STAT6: variants seen among roughly 807,000 people sequenced by gnomAD.
The protein encoded by STAT6 is STAT, interleukin4-induced.
STAT6 carries 45 observed loss-of-function variants against 106.3 expected under a neutral mutation model. That is an observed-to-expected ratio of 0.42 (90% CI 0.33 to 0.54). The LOEUF is 0.54. Among genes scored for constraint, STAT6 ranks in the 20% least tolerant of loss-of-function variants. The pLI is 0.06. For synonymous variants in STAT6, 413 were observed against 413.6 expected (o/e 1.00, Z 0.02); for missense variants, 797 against 1,062.2 (o/e 0.75, Z 3.47).
intron 13 of STAT6, 146 bp from the exon 14 acceptor site, chr12:57,100,236 C>A (rs1256088476): frequency 2.9e-6 from 2 of 689,248 alleles, no homozygotes; most frequent in Non-Finnish European, 5.2e-6. Flanking sequence ...ATGACAACGA[C>A]CAATCCTAAT....
intron 2 of STAT6, 68 bp downstream of exon 2, chr12:57,108,095 A>G: frequency 9.4e-7 from 1 of 1,060,112 alleles, no homozygotes; most frequent in Non-Finnish European, 1.4e-6. Context: ...GAGGGGAGAA[A>G]AATCTAAGGA....
intron 11 of STAT6, 132 bp from the exon 12 acceptor site, chr12:57,103,053 T>TAGTG (rs1442700684): frequency 3.2e-6 from 2 of 620,510 alleles, no homozygotes; most frequent in African/African-American, 4.2e-5. Flanking sequence ...TGGAGTGCAG[T>TAGTG]AGTGCAATCT....
chr12:57,104,264 T>C (rs902196943), intron 11 of STAT6, 200 bp downstream of exon 11: 5 of 690,622 alleles, frequency 7.2e-6, no homozygotes, highest in African/African-American at 5.4e-5. Flanking sequence ...TCCGAAGTGT[T>C]TGCTGCTATC....
chr12:57,096,905 T>C lies in STAT6; in HGVS notation c.2299A>G (p.Met767Val). Residue 767 changes from methionine (M) to valine (V), a missense_variant, in exon 21 of 22, where the codon ATG becomes GTG. Physicochemically the swap from Met to Val is conservative, Grantham distance 21. Coordinates refer to ENST00000300134, the MANE Select transcript of STAT6 (RefSeq NM_003153.5). ...PDPLLCSDVT[M>V]VEDSCLSQPV... ...TGGCTCAGGCAGCTGTCTTCCACCA[T>C]GGTCACATCTGAGCAGAGCAGGGGG... The C allele has an allele frequency of 6.2e-7, 1 of 1,614,130 alleles. No individual in the cohort carries two copies. Among genetic ancestry groups the C allele is most frequent in the Non-Finnish European group, 8.5e-7 (1 of 1,180,028 alleles).
At chr12:57,104,140 A>C (rs758880933) in intron 11 of STAT6, 2 of 312,272 alleles carry the variant, frequency 6.4e-6, no homozygotes, top group African/African-American at 2.1e-5. Context: ...CTATAAAATG[A>C]GGCTGATAAT....
At position 57,102,848 on chromosome 12, in the gene STAT6, T is replaced by C; in HGVS notation, c.1286A>G (p.Asp429Gly). Reference protein sequence around the residue: ...DNNAKATILWDNAFSEMDRVP... With the variant: ...DNNAKATILWGNAFSEMDRVP... ...CCTCACCATCTCAGAGAAGGCATTG[T>C]CCCACAGGATAGTGGCTTTGGCATT... Residue 429 changes from aspartate (D) to glycine (G), a missense_variant, in exon 12 of 22, where the codon GAC (aspartate) becomes GGC (glycine). By Grantham distance (94) the Asp-to-Gly change is moderately conservative. Coordinates refer to ENST00000300134, the MANE Select transcript of STAT6 (RefSeq NM_003153.5). 1 of 1,613,856 alleles carries C rather than the reference T, an allele frequency of 6.2e-7. No homozygotes were observed. Among genetic ancestry groups the C allele is most frequent in the South Asian group, 1.1e-5 (1 of 91,068 alleles).
In STAT6 at chr12:57,107,440, T is replaced by C. The variant is rs2034343752; in HGVS notation, c.256-126A>G. ...CACAACTGTAGACTCCAGAAGTTTTTGTGCATTTGCATGCTTTTAAAATCT... is the reference window on the plus strand; with the variant it reads ...CACAACTGTAGACTCCAGAAGTTTTCGTGCATTTGCATGCTTTTAAAATCT... On this transcript the variant is annotated intron_variant, in intron 3 of 21. Coordinates refer to ENST00000300134, the MANE Select transcript of STAT6 (RefSeq NM_003153.5). 9.2e-6 allele frequency: 12 copies of C among 1,303,370 alleles called. No homozygotes were observed. In the South Asian group the frequency reaches 1.4e-4, roughly 16 times the overall value. 80.7% of individuals were successfully genotyped at this position (1,303,370 alleles called of 1,614,324 possible).
chr12:57,102,701 G>T, intron 12 of STAT6, 128 bp downstream of exon 12: 1 of 930,920 alleles, frequency 1.1e-6, no homozygotes, highest in Non-Finnish European at 1.7e-6. Flanking sequence ...CACGAAAGCA[G>T]GCCCATGAGA....
At chr12:57,105,721 T>A (rs1161580594) in intron 7 of STAT6, 122 bp from the exon 8 acceptor site, 9 of 1,432,966 alleles carry the variant, frequency 6.3e-6, no homozygotes, top group Non-Finnish European at 7.4e-6. Flanking sequence ...GGGTAGTGGG[T>A]GTGGCTGCAA....
chr12:57,105,682 A>G (rs1000488507), intron 7 of STAT6, 83 bp from the exon 8 acceptor site: 1 of 1,517,134 alleles, frequency 6.6e-7, no homozygotes, highest in African/African-American at 1.4e-5. Context: ...ACCCAGGGAG[A>G]AAGGCTATCA....
At chr12:57,102,257 G>T (rs760847667) in intron 13 of STAT6, 33 bp downstream of exon 13, 14 of 1,610,736 alleles carry the variant, frequency 8.7e-6, no homozygotes, top group Non-Finnish European at 1.1e-5. Flanking sequence ...TGAAGAGCTT[G>T]GGGGTGGGAG....
intron 6 of STAT6, 79 bp from the exon 7 acceptor site, chr12:57,106,418 C>G: frequency 1.2e-6 from 2 of 1,608,118 alleles, no homozygotes; most frequent in Admixed American, 1.7e-5. Context: ...CTTTTTCTCA[C>G]TCCTCTGGCA....
intron 13 of STAT6, among the ~76,000 whole-genome samples, chr12:57,101,932 G>A (rs570866275): frequency 6.6e-6 from 1 of 152,298 alleles, no homozygotes; most frequent in East Asian, 1.9e-4. Flanking sequence ...GTCAAAGACT[G>A]GGATTACAGG....
chr12:57,110,285 C>T (rs1016589547), intron 1 of STAT6: 1 of 152,276 alleles, frequency 6.6e-6, no homozygotes, highest in Non-Finnish European at 1.5e-5. Flanking sequence ...AAGGCTGGGT[C>T]GATTGGCTTG....
intron 11 of STAT6, 73 bp from the exon 12 acceptor site, chr12:57,102,994 T>C: frequency 3.9e-6 from 1 of 259,174 alleles, no homozygotes; most frequent in African/African-American, 6.5e-5. Context: ...TTTTTTTTTT[T>C]TTTTTTTTTT....
chr12:57,105,777 T>C (rs971980209), intron 7 of STAT6, 178 bp from the exon 8 acceptor site: 12 of 1,124,540 alleles, frequency 1.1e-5, no homozygotes, highest in South Asian at 1.7e-5. Context: ...GCCTAGGGTC[T>C]GGGTGGGAGG....
chr12:57,100,638 GAGA>G (rs2033769126), intron 13 of STAT6, among the ~76,000 whole-genome samples: 2 of 100,138 alleles, frequency 2.0e-5, no homozygotes, highest in Admixed American at 1.1e-4. Context: ...GAAAGAGAAA[GAGA>G]AAGAAAGAAA....
intron 20 of STAT6, 26 bp from the exon 21 acceptor site, chr12:57,097,004 A>C (rs2033485305): frequency 6.2e-7 from 1 of 1,610,246 alleles, no homozygotes; most frequent in South Asian, 1.1e-5. Flanking sequence ...AATGGAAATA[A>C]GGAGAGCGGG....
chr12:57,106,057 G>C, intron 7 of STAT6, 134 bp downstream of exon 7: 1 of 1,454,808 alleles, frequency 6.9e-7, no homozygotes, highest in Non-Finnish European at 9.3e-7. Context: ...AGCCCCGCTG[G>C]AACTGGCTTT....
Sources: allele counts gnomAD v4.1 joint callset (sites outside exome capture counted in the v4.1 genomes callset), GRCh38; gene constraint gnomAD v4.1.1; transcripts MANE v1.5; gene names NCBI Gene and HGNC (gene_info 2026-07-23, HGNC 2026-07-21).